GABPB1: variants seen among roughly 807,000 people sequenced by gnomAD.
The protein encoded by GABPB1 is GA binding protein transcription factor subunit beta 1.
A neutral mutation model predicts 45.9 loss-of-function variants in GABPB1; 15 were observed. The observed-to-expected ratio is 0.33, with a 90% CI of 0.22 to 0.50. GABPB1 has a LOEUF of 0.50. GABPB1 is among the 20% of genes least tolerant of loss of function. The probability of loss-of-function intolerance (pLI) is 0.98; values close to 1 mark genes in which losing one functional copy is unlikely to be tolerated. For missense variants in GABPB1, 252 were observed against 457.5 expected (o/e 0.55, Z 4.10); for synonymous variants, 143 against 154.4 (o/e 0.93, Z 0.55).
intron 1 of GABPB1, among the ~76,000 whole-genome samples, chr15:50,338,666 G>C (rs553360710): frequency 1.3e-5 from 2 of 151,932 alleles, no homozygotes; most frequent in South Asian, 4.2e-4. Context: ...TAGAGACGGG[G>C]CTTCACCATG....
At chr15:50,322,890 A>G (rs1245175729) in intron 1 of GABPB1, among the ~76,000 whole-genome samples, 1 of 151,736 alleles carries the variant, frequency 6.6e-6, no homozygotes, top group Non-Finnish European at 1.5e-5. Context: ...TCAACCAAGC[A>G]TGGTGGCACA....
In GABPB1 at chr15:50,354,078, A is replaced by G. The variant is rs142842953; in HGVS notation, c.-1+907T>C. 343 of 293,876 alleles carry G rather than the reference A, an allele frequency of 1.2e-3. 2 individuals carry two copies. Among genetic ancestry groups the G allele is most frequent in the African/African-American group, 7.6e-3 (324 of 42,412 alleles). The allele number at this position is 293,876 out of a possible 1,614,324, so 18.2% of individuals were successfully genotyped here. A position where few individuals can be genotyped will look rare whatever the true frequency, so the allele number is the denominator to read the frequency against. ...GACACACACAAAGCAGGCCTGTATC[A>G]TTCCTTTGGTTTCAGTTTTCACGAT... On this transcript the variant is annotated intron_variant, in intron 1 of 8. Coordinates refer to ENST00000380877, the MANE Select transcript of GABPB1 (RefSeq NM_016654.5).
At chr15:50,284,181 A>G (rs984908510) in intron 8 of GABPB1, among the ~76,000 whole-genome samples, 3 of 152,188 alleles carry the variant, frequency 2.0e-5, no homozygotes, top group Non-Finnish European at 4.4e-5. Context: ...TAAATGCAAA[A>G]TAACGACTTC....
At chr15:50,298,136 C>T (rs1034969230) in intron 6 of GABPB1, among the ~76,000 whole-genome samples, 14 of 152,094 alleles carry the variant, frequency 9.2e-5, no homozygotes, top group African/African-American at 1.9e-4. Context: ...CTGTCACCCA[C>T]GCTGGAGTAT....
At chr15:50,288,185 G>A (rs1052838280) in intron 7 of GABPB1, among the ~76,000 whole-genome samples, 3 of 152,152 alleles carry the variant, frequency 2.0e-5, no homozygotes, top group Non-Finnish European at 4.4e-5. Context: ...CCAAGTAGCT[G>A]GGACTACAGG....
At chr15:50,342,257 T>C (rs2048401076) in intron 1 of GABPB1, among the ~76,000 whole-genome samples, 1 of 152,172 alleles carries the variant, frequency 6.6e-6, no homozygotes, top group South Asian at 2.1e-4. Context: ...TTCCATCACA[T>C]TACAAATGAT....
At position 50,277,256 on chromosome 15, in the gene GABPB1, A is replaced by G. The variant is rs1015653243; in HGVS notation, c.*1376T>C. ...ATAAAAACATAAGTCTACAATGAAC[A>G]TATGTGAAAAAGATATTTAATTGCA... On this transcript the variant is annotated 3_prime_UTR_variant, in exon 9 of 9. Transcript: ENST00000380877. 7.0e-4 allele frequency: 107 copies of G among 152,324 alleles called. No homozygotes were observed. The highest frequency in any genetic ancestry group is 2.6e-3 in the African/African-American group (106 of 41,568). The allele number at this position is 152,324 out of a possible 1,614,324, so 9.4% of individuals were successfully genotyped here. A position where few individuals can be genotyped will look rare whatever the true frequency, so the allele number is the denominator to read the frequency against.
In GABPB1 at chr15:50,286,149, T is replaced by G; in HGVS notation, c.918A>C (p.Glu306Asp). The G allele has an allele frequency of 1.9e-6, 3 of 1,604,420 alleles. No homozygotes were observed. The highest frequency in any genetic ancestry group is 2.6e-6 in the Non-Finnish European group (3 of 1,174,572). ...LTVPATDIAE[E>D]TVISEEPPAK... Reference sequence around the variant, plus strand: ...CTGGTGGTTCTTCACTTATAACAGTTTCTTCAGCAATGTCTGTTGCTGGTA... The same window carrying G: ...CTGGTGGTTCTTCACTTATAACAGTGTCTTCAGCAATGTCTGTTGCTGGTA... Residue 306 changes from glutamate (E) to aspartate (D), a missense_variant, in exon 8 of 9, where the codon GAA becomes GAC. Coordinates refer to ENST00000380877, the MANE Select transcript of GABPB1 (RefSeq NM_016654.5).
chr15:50,342,531 T>A (rs1450117686), intron 1 of GABPB1, among the ~76,000 whole-genome samples: 1 of 152,190 alleles, frequency 6.6e-6, no homozygotes, highest in Non-Finnish European at 1.5e-5. Flanking sequence ...TTTCACAAAC[T>A]GAAAAAATTT....
chr15:50,338,566 T>C (rs144109753), intron 1 of GABPB1, among the ~76,000 whole-genome samples: 266 of 151,514 alleles, frequency 1.8e-3, no homozygotes, highest in African/African-American at 6.2e-3. Context: ...CTACACCTCC[T>C]GGGCTCAAGA....
chr15:50,305,942 T>C (rs1205384027), intron 2 of GABPB1, among the ~76,000 whole-genome samples: 1 of 151,898 alleles, frequency 6.6e-6, no homozygotes, highest in Non-Finnish European at 1.5e-5. Flanking sequence ...CCACCACACC[T>C]GGCCATGTAG....
At chr15:50,315,724 A>G (rs531034056) in intron 1 of GABPB1, among the ~76,000 whole-genome samples, 1 of 152,362 alleles carries the variant, frequency 6.6e-6, no homozygotes, top group South Asian at 2.1e-4. Flanking sequence ...AACTACATTG[A>G]CCAAGGGGAG....
chr15:50,336,498 C>T (rs1232098960), intron 1 of GABPB1, among the ~76,000 whole-genome samples: 2 of 151,678 alleles, frequency 1.3e-5, no homozygotes, highest in South Asian at 2.1e-4. Flanking sequence ...GCTTAAGACT[C>T]CATCTCTACA....
intron 1 of GABPB1, among the ~76,000 whole-genome samples, chr15:50,318,584 T>C (rs1001135919): frequency 7.2e-5 from 11 of 151,940 alleles, no homozygotes; most frequent in African/African-American, 2.7e-4. Flanking sequence ...CAACATAGAA[T>C]AGGAGAGAGT....
intron 1 of GABPB1, among the ~76,000 whole-genome samples, chr15:50,325,913 T>G (rs1025593068): frequency 2.7e-5 from 1 of 37,580 alleles, no homozygotes; most frequent in Non-Finnish European, 8.4e-5. Context: ...GTTTTTTTTG[T>G]TTTTTTTTTT....
intron 4 of GABPB1, among the ~76,000 whole-genome samples, chr15:50,302,220 C>T (rs2046774961): frequency 2.6e-5 from 4 of 152,108 alleles, no homozygotes; most frequent in Non-Finnish European, 4.4e-5. Context: ...AGAAACAAAT[C>T]AAACTGCATC....
chr15:50,315,797 G>A (rs146982789), intron 1 of GABPB1, among the ~76,000 whole-genome samples: 189 of 152,264 alleles, frequency 1.2e-3, no homozygotes, highest in African/African-American at 4.3e-3. Context: ...AATTCTGGAC[G>A]GGTGCAGTGA....
At chr15:50,301,004 T>A in intron 5 of GABPB1, 102 bp from the exon 6 acceptor site, 1 of 825,596 alleles carries the variant, frequency 1.2e-6, no homozygotes. Flanking sequence ...AAAGCTTGGA[T>A]AGCATTAGCT....
At chr15:50,279,361 T>C (rs890721010) in intron 8 of GABPB1, among the ~76,000 whole-genome samples, 20 of 152,208 alleles carry the variant, frequency 1.3e-4, no homozygotes, top group Admixed American at 1.1e-3. Flanking sequence ...TTTAAAACTA[T>C]TTTCATTTAC....
Sources: gnomAD v4.1 joint callset for allele counts (sites outside exome capture counted in the v4.1 genomes callset) on GRCh38, gnomAD v4.1.1 for gene constraint, MANE v1.5 for transcripts, NCBI Gene and HGNC (gene_info 2026-07-23, HGNC 2026-07-21) for gene names.